Variants in CCSER1 observed in about 807,000 individuals in gnomAD.
CCSER1 encodes the protein coiled-coil serine rich protein 1.
A neutral mutation model predicts 82.0 loss-of-function variants in CCSER1; 41 were observed. That is an observed-to-expected ratio of 0.50 (90% CI 0.39 to 0.65). The LOEUF (loss-of-function observed/expected upper bound fraction) is 0.65. CCSER1 is among the 30% of genes least tolerant of loss of function. CCSER1 has a pLI of 0.00. For synonymous variants in CCSER1, 414 were observed against 383.9 expected, an observed-to-expected ratio of 1.08 and a Z score of -0.92; for missense variants, 1,119 against 1,064.2, an observed-to-expected ratio of 1.05 and a Z score of -0.72.
chr4:90,234,103 CT>C (rs1745266381), intron 1 of CCSER1, among the ~76,000 whole-genome samples: 1 of 151,726 alleles, frequency 6.6e-6, no homozygotes, highest in Non-Finnish European at 1.5e-5. Flanking sequence ...ATTAGGCAGC[CT>C]TTGTATTTCC....
At chr4:90,541,161 A>G (rs965273922) in intron 5 of CCSER1, among the ~76,000 whole-genome samples, 3 of 152,104 alleles carry the variant, frequency 2.0e-5, no homozygotes, top group Non-Finnish European at 4.4e-5. Flanking sequence ...GAGGGTAAAA[A>G]GAAAGTAATT....
At chr4:90,747,179 T>C (rs893418728) in intron 7 of CCSER1, among the ~76,000 whole-genome samples, 1 of 152,206 alleles carries the variant, frequency 6.6e-6, no homozygotes, top group Non-Finnish European at 1.5e-5. Context: ...TGGGCATGTA[T>C]TGAGATCATA....
chr4:90,494,918 G>A (rs76176950), intron 5 of CCSER1, among the ~76,000 whole-genome samples: 4,024 of 151,696 alleles, frequency 0.027, 187 homozygotes, highest in African/African-American at 0.092. Context: ...CTTTGTTGAT[G>A]CCTATATCCC....
At chr4:90,400,984 G>C (rs960799986) in intron 4 of CCSER1, among the ~76,000 whole-genome samples, 1 of 151,916 alleles carries the variant, frequency 6.6e-6, no homozygotes, top group African/African-American at 2.4e-5. Flanking sequence ...TTTTTAATTC[G>C]TGGAAATTAG....
chr4:91,444,791 C>G (rs1755444191), intron 10 of CCSER1, among the ~76,000 whole-genome samples: 2 of 152,186 alleles, frequency 1.3e-5, no homozygotes, highest in East Asian at 3.8e-4. Flanking sequence ...AGTGAAATGT[C>G]AGATGATGGT....
intron 10 of CCSER1, among the ~76,000 whole-genome samples, chr4:91,587,089 A>G (rs948605702): frequency 6.6e-6 from 1 of 151,744 alleles, no homozygotes; most frequent in Non-Finnish European, 1.5e-5. Context: ...CTCTTCTCTC[A>G]CAGTTATTTG....
At chr4:90,353,046 T>C (rs1303134736) in intron 3 of CCSER1, among the ~76,000 whole-genome samples, 1 of 152,142 alleles carries the variant, frequency 6.6e-6, no homozygotes, top group East Asian at 1.9e-4. Context: ...GAAGATGTTA[T>C]GAAAAAACAG....
chr4:91,536,458 C>T (rs1761301629), intron 10 of CCSER1, among the ~76,000 whole-genome samples: 1 of 152,018 alleles, frequency 6.6e-6, no homozygotes, highest in Non-Finnish European at 1.5e-5. Flanking sequence ...CCAGTCTCTA[C>T]CTTTTTCTAC....
chr4:90,265,388 A>G (rs1725056820), intron 1 of CCSER1, among the ~76,000 whole-genome samples: 1 of 151,892 alleles, frequency 6.6e-6, no homozygotes, highest in Non-Finnish European at 1.5e-5. Context: ...AGGTATTAAA[A>G]AAGTAAAGTA....
At chr4:90,236,875 T>A (rs1046723226) in intron 1 of CCSER1, among the ~76,000 whole-genome samples, 1 of 152,148 alleles carries the variant, frequency 6.6e-6, no homozygotes, top group Non-Finnish European at 1.5e-5. Flanking sequence ...TATGTGTGTA[T>A]GTGTGTATAT....
intron 10 of CCSER1, among the ~76,000 whole-genome samples, chr4:91,263,311 T>C (rs1348544561): frequency 6.6e-6 from 1 of 152,082 alleles, no homozygotes; most frequent in Non-Finnish European, 1.5e-5. Flanking sequence ...CTTGATATGG[T>C]TCTGAAGAGG....
At chr4:91,174,610 C>T (rs1340642515) in intron 10 of CCSER1, among the ~76,000 whole-genome samples, 1 of 151,972 alleles carries the variant, frequency 6.6e-6, no homozygotes, top group Admixed American at 6.6e-5. Flanking sequence ...TTTTACCAAG[C>T]TACTATACTT....
chr4:90,357,662 G>A (rs1290040707), intron 3 of CCSER1, among the ~76,000 whole-genome samples: 1 of 151,958 alleles, frequency 6.6e-6, no homozygotes. Flanking sequence ...AAAAAGGAAT[G>A]TGCATTCATT....
intron 8 of CCSER1, among the ~76,000 whole-genome samples, chr4:90,823,558 A>G (rs181253506): frequency 9.7e-4 from 147 of 152,228 alleles, no homozygotes; most frequent in Non-Finnish European, 1.8e-3. Flanking sequence ...ATGGAACTTG[A>G]GATACTTAAA....
chr4:91,121,589 A>G (rs1727094608), intron 10 of CCSER1, among the ~76,000 whole-genome samples: 1 of 151,722 alleles, frequency 6.6e-6, no homozygotes, highest in African/African-American at 2.4e-5. Context: ...ATTGAATAAC[A>G]TATCTCTTCC....
At chr4:90,953,600 A>T (rs1350661858) in intron 9 of CCSER1, among the ~76,000 whole-genome samples, 1 of 151,594 alleles carries the variant, frequency 6.6e-6, no homozygotes, top group Non-Finnish European at 1.5e-5. Flanking sequence ...ACACCTATAC[A>T]TTCCTATATC....
At chr4:90,436,169 G>T (rs1758969052) in intron 4 of CCSER1, among the ~76,000 whole-genome samples, 1 of 151,970 alleles carries the variant, frequency 6.6e-6, no homozygotes, top group African/African-American at 2.4e-5. Context: ...ACAAATTAGG[G>T]TTGTGTTTTT....
At chr4:90,967,374 A>C (rs897959759) in intron 9 of CCSER1, among the ~76,000 whole-genome samples, 1 of 151,768 alleles carries the variant, frequency 6.6e-6, no homozygotes, top group Non-Finnish European at 1.5e-5. Context: ...GCTTGAACCC[A>C]AGAGGTGCAG....
At position 90,537,298 on chromosome 4, in the gene CCSER1, T is replaced by C. The variant is rs148600285; in HGVS notation, c.1724+68944T>C. ...TGTCTTCCATTTCCATTACTTTCTC[T>C]CTGACCCTTTTACTTTTTTATATCT... On this transcript the variant is annotated intron_variant, in intron 5 of 10. Transcript: ENST00000509176. 3.9e-5 allele frequency among the ~76,000 whole-genome samples: 6 copies of C among 152,290 alleles called. No homozygotes were observed. In the East Asian group the frequency reaches 1.2e-3, roughly 29 times the overall value.
Sources: allele counts gnomAD v4.1 joint callset (sites outside exome capture counted in the v4.1 genomes callset), GRCh38; gene constraint gnomAD v4.1.1; transcripts MANE v1.5; gene names NCBI Gene and HGNC (gene_info 2026-07-23, HGNC 2026-07-21).